SHLD1: variants seen among roughly 807,000 people sequenced by gnomAD.
SHLD1 encodes shieldin complex subunit 1.
Under a neutral mutation model 5.5 loss-of-function variants are expected in SHLD1, and 3 were observed. That is an observed-to-expected ratio of 0.54 (90% CI 0.25 to 1.40). The LOEUF is 1.40. Among genes scored for constraint, SHLD1 ranks in the 40% most tolerant of loss-of-function variants. SHLD1 has a pLI of 0.15. For synonymous variants in SHLD1, 92 were observed against 94.3 expected, an observed-to-expected ratio of 0.98 and a Z score of 0.14; for missense variants, 210 against 244.4, an observed-to-expected ratio of 0.86 and a Z score of 0.94.
intron 2 of SHLD1, among the ~76,000 whole-genome samples, chr20:5,790,974 A>G (rs1308614750): frequency 6.6e-6 from 1 of 151,548 alleles, no homozygotes; most frequent in Non-Finnish European, 1.5e-5. Context: ...ACCACGTTGG[A>G]TGATATAGTA....
At chr20:5,834,283 C>A (rs921714026) in intron 2 of SHLD1, among the ~76,000 whole-genome samples, 1 of 152,110 alleles carries the variant, frequency 6.6e-6, no homozygotes, top group African/African-American at 2.4e-5. Context: ...TCCTGTGAGT[C>A]CTTCTCTTCA....
At chr20:5,763,120 AAC>A (rs1384433688) in intron 1 of SHLD1, among the ~76,000 whole-genome samples, 1 of 152,034 alleles carries the variant, frequency 6.6e-6, no homozygotes, top group Non-Finnish European at 1.5e-5. Context: ...CAGCCTGACC[AAC>A]ACGCAGAAAC....
intron 2 of SHLD1, among the ~76,000 whole-genome samples, chr20:5,844,454 G>A (rs931025899): frequency 2.0e-5 from 3 of 152,172 alleles, no homozygotes; most frequent in African/African-American, 7.2e-5. Flanking sequence ...TTAGAGGGAT[G>A]TGTTTGGGGA....
At chr20:5,760,724 G>GA (rs1341818351) in intron 1 of SHLD1, among the ~76,000 whole-genome samples, 1 of 151,876 alleles carries the variant, frequency 6.6e-6, no homozygotes, top group Non-Finnish European at 1.5e-5. Flanking sequence ...AGGTGATTAT[G>GA]AAAAAGAGGA....
intron 1 of SHLD1, among the ~76,000 whole-genome samples, chr20:5,762,747 G>A (rs1319824321): frequency 1.3e-5 from 2 of 152,014 alleles, no homozygotes; most frequent in East Asian, 3.9e-4. Context: ...GACTGAGGCA[G>A]GTGGGTCACG....
At chr20:5,832,863 G>T (rs1201441660) in intron 2 of SHLD1, among the ~76,000 whole-genome samples, 1 of 151,746 alleles carries the variant, frequency 6.6e-6, no homozygotes, top group African/African-American at 2.4e-5. Context: ...AAAAAAGCAG[G>T]TATCCAACAT....
At position 5,830,304 on chromosome 20, in the gene SHLD1, T is replaced by C. The variant is rs555397703; in HGVS notation, c.179-32720T>C. On this transcript the variant is annotated intron_variant, in intron 2 of 2. Coordinates refer to ENST00000303142, the MANE Select transcript of SHLD1 (RefSeq NM_152504.4). Reference sequence around the variant, plus strand: ...TCATTGAAAATGAACAAACTGCCACTGTATGCATATAAGGTTGAGTGAAAG... The same window carrying C: ...TCATTGAAAATGAACAAACTGCCACCGTATGCATATAAGGTTGAGTGAAAG... Among the ~76,000 whole-genome samples, 9 of 152,342 alleles carry C rather than the reference T, an allele frequency of 5.9e-5. No homozygotes were observed. The South Asian group carries it at 1.0e-3, about 18-fold the overall frequency.
intron 2 of SHLD1, among the ~76,000 whole-genome samples, chr20:5,785,685 A>G (rs1292261824): frequency 6.6e-6 from 1 of 151,274 alleles, no homozygotes; most frequent in African/African-American, 2.4e-5. Flanking sequence ...AGTCTCAGCT[A>G]CTCGGGAGGC....
At chr20:5,795,613 A>C (rs2122319355) in intron 2 of SHLD1, among the ~76,000 whole-genome samples, 1 of 151,326 alleles carries the variant, frequency 6.6e-6, no homozygotes, top group Admixed American at 6.6e-5. Flanking sequence ...AAAAAAAAAA[A>C]AAAAAAAAAA....
rs146220620 is a variant in SHLD1, at chr20:5,836,814, G to A, written c.179-26210G>A. ...TGAGCATTTTAATGCCTCACCCTTA[G>A]ATTTGAACTCACAGCCAAAAATCAC... On this transcript the variant is annotated intron_variant, in intron 2 of 2. Coordinates refer to ENST00000303142, the MANE Select transcript of SHLD1 (RefSeq NM_152504.4). Among the ~76,000 whole-genome samples, 326 of 152,252 alleles carry A rather than the reference G, an allele frequency of 2.1e-3. 2 individuals carry two copies. The highest frequency in any genetic ancestry group is 7.7e-3 in the South Asian group (37 of 4,824).
At chr20:5,841,129 C>G (rs2087853124) in intron 2 of SHLD1, among the ~76,000 whole-genome samples, 1 of 151,610 alleles carries the variant, frequency 6.6e-6, no homozygotes, top group Non-Finnish European at 1.5e-5. Flanking sequence ...TTTGAAAAAA[C>G]TTAATTTCTA....
chr20:5,792,758 C>T (rs754454234), intron 2 of SHLD1, among the ~76,000 whole-genome samples: 4 of 152,032 alleles, frequency 2.6e-5, no homozygotes, highest in Non-Finnish European at 4.4e-5. Context: ...ACTGTAGCCT[C>T]TGGCTCCTGG....
chr20:5,813,037 G>C (rs1196256408), intron 2 of SHLD1, among the ~76,000 whole-genome samples: 1 of 151,880 alleles, frequency 6.6e-6, no homozygotes, highest in Non-Finnish European at 1.5e-5. Flanking sequence ...ACCATGCCTG[G>C]CTATTTTTTT....
intron 2 of SHLD1, among the ~76,000 whole-genome samples, chr20:5,789,489 A>C (rs2087108672): frequency 1.3e-5 from 2 of 151,322 alleles, no homozygotes; most frequent in African/African-American, 4.9e-5. Flanking sequence ...AGGCAGGAGA[A>C]TCACTTGAAC....
chr20:5,791,563 CAAAAAAAAAAAAAA>C (rs34606715), intron 2 of SHLD1, among the ~76,000 whole-genome samples: 2 of 61,018 alleles, frequency 3.3e-5, no homozygotes, highest in African/African-American at 1.5e-4. Context: ...GACCCTGTCT[CAAAAAAAAAAAAAA>C]AAAAAAAAGG....
Position 5,836,095 on chromosome 20 carries a change from GTT to G in SHLD1, c.179-26918_179-26917del, listed in dbSNP as rs11479196. Among the ~76,000 whole-genome samples the G allele has an allele frequency of 5.6e-5, 8 of 143,314 alleles. No individual in the cohort carries two copies. The East Asian group carries it at 1.4e-3, about 25-fold the overall frequency. 94.0% of individuals were successfully genotyped at this position (143,314 alleles called of 152,430 possible). On this transcript the variant is annotated intron_variant, in intron 2 of 2. Coordinates refer to ENST00000303142, the MANE Select transcript of SHLD1 (RefSeq NM_152504.4). The stretch of plus-strand genomic sequence containing the variant: ...TTTCTCGTTGCCTTGACAACTGGTT[GTT>G]TTTTTTTTTTAAGCTTTTGATTTTT...
chr20:5,825,340 C>A (rs1170521924), intron 2 of SHLD1, among the ~76,000 whole-genome samples: 1 of 152,236 alleles, frequency 6.6e-6, no homozygotes, highest in Non-Finnish European at 1.5e-5. Context: ...TGGCTGCAGG[C>A]TCCTGGCTGA....
chr20:5,835,163 A>G (rs6053734), intron 2 of SHLD1, among the ~76,000 whole-genome samples: 3,132 of 152,220 alleles, frequency 0.021, 58 homozygotes, highest in African/African-American at 0.048. Flanking sequence ...AGAGAAGTCT[A>G]CCTCTACACT....
intron 2 of SHLD1, among the ~76,000 whole-genome samples, chr20:5,817,934 C>T (rs1435553029): frequency 2.0e-5 from 3 of 152,192 alleles, no homozygotes; most frequent in Admixed American, 2.0e-4. Flanking sequence ...GAAGTGCCTC[C>T]AGCAGAACAC....
Sources: allele counts gnomAD v4.1 joint callset (sites outside exome capture counted in the v4.1 genomes callset), GRCh38; gene constraint gnomAD v4.1.1; transcripts MANE v1.5; gene names NCBI Gene and HGNC (gene_info 2026-07-23, HGNC 2026-07-21).